The following MYO1H variants were observed in gnomAD, a reference collection of about 807,000 sequenced individuals.
MYO1H encodes myosin IH.
In MYO1H, 118 loss-of-function variants were observed where a neutral mutation model predicts 149.3. That is an observed-to-expected ratio of 0.79 (90% confidence interval 0.68 to 0.92). MYO1H has a LOEUF of 0.92. Ranked by LOEUF, MYO1H falls within the 40% of genes least tolerant of loss-of-function variation. The pLI, the probability that MYO1H is intolerant of heterozygous loss-of-function variation, is 0.00. For synonymous variants in MYO1H, 447 were observed against 465.2 expected (o/e 0.96, Z 0.50); for missense variants, 1,212 against 1,280.7 (o/e 0.95, Z 0.82).
At chr12:109,321,551 C>CA in the MYO1H span, among the ~76,000 whole-genome samples, 211 of 149,726 alleles carry the variant, frequency 1.4e-3, 3 homozygotes, top group African/African-American at 3.8e-3. Flanking sequence ...AGATCCCTCT[C>CA]AAAAAAAAAG....
At chr12:109,402,009 A>C (rs1025767055) in intron 6 of MYO1H, among the ~76,000 whole-genome samples, 3 of 152,136 alleles carry the variant, frequency 2.0e-5, no homozygotes, top group Non-Finnish European at 4.4e-5. Context: ...CAAAGTGCTG[A>C]GTTTACAGGC....
the MYO1H span, among the ~76,000 whole-genome samples, chr12:109,340,142 T>C: frequency 1.3e-5 from 2 of 152,158 alleles, no homozygotes; most frequent in East Asian, 3.8e-4. Context: ...TACGGTGGCA[T>C]ACCTACAGTA....
exon 14 of MYO1H, chr12:109,411,909 C>G (rs183967344): frequency 1.2e-6 from 2 of 1,604,308 alleles, no homozygotes. Flanking sequence ...AGAATGCATT[C>G]GGCCTGGTCC....
In MYO1H at chr12:109,415,511, A is replaced by G. The variant is rs374342129; in HGVS notation, c.1503-15A>G. 5 of 1,591,462 alleles carry G rather than the reference A, an allele frequency of 3.1e-6. No homozygotes were observed. The highest frequency in any genetic ancestry group is 3.4e-6 in the Non-Finnish European group (4 of 1,168,932). ...AGAAAAGAAAGTTCAACTCGTGTCT[A>G]TTTCTGTCTCGTAGCCGTAAGCTGG... On this transcript the variant is annotated splice_polypyrimidine_tract_variant and intron_variant, in intron 14 of 31. Transcript: ENST00000310903.
intron 1 of MYO1H, among the ~76,000 whole-genome samples, chr12:109,355,629 G>A (rs1254390268): frequency 6.6e-6 from 1 of 152,092 alleles, no homozygotes; most frequent in Admixed American, 6.5e-5. Context: ...ATTCCTGCAT[G>A]CTGAGGTTTG....
rs371604943 is a variant in MYO1H, at chr12:109,417,004, T to C, written c.1597+1384T>C. 2.1e-5 allele frequency among the ~76,000 whole-genome samples: 3 copies of C among 146,254 alleles called. No homozygotes were observed. In the East Asian group the frequency reaches 6.0e-4, roughly 29 times the overall value. Reference sequence around the variant, plus strand: ...CCTGGGCAACAAGAGTGAAACTCCATCTCAAAAAAAAAAAAAATTAGCCGG... The same window carrying C: ...CCTGGGCAACAAGAGTGAAACTCCACCTCAAAAAAAAAAAAAATTAGCCGG... On this transcript the variant is annotated intron_variant, in intron 15 of 31. Transcript: ENST00000310903.
intron 26 of MYO1H, 80 bp from the exon 27 acceptor site, chr12:109,442,137 C>G: frequency 8.1e-7 from 1 of 1,228,242 alleles, no homozygotes; most frequent in Non-Finnish European, 1.2e-6. Flanking sequence ...AGATGCATAA[C>G]AAAACTAGCA....
intron 27 of MYO1H, among the ~76,000 whole-genome samples, chr12:109,443,082 G>GTATGTGTGTATATATGTGTATATA (rs1566044828): frequency 4.0e-5 from 2 of 49,668 alleles, no homozygotes; most frequent in African/African-American, 2.5e-4. Context: ...ATATGTGTAC[G>GTATGTGTGTATATATGTGTATATA]TATGTGTGTA....
chr12:109,407,761 A>G, intron 9 of MYO1H, 33 bp from the exon 10 acceptor site: 1 of 1,603,676 alleles, frequency 6.2e-7, no homozygotes, highest in Non-Finnish European at 8.5e-7. Context: ...TCTTTTTTCC[A>G]CCTATAATGA....
chr12:109,432,310 T>A (rs544688645), intron 19 of MYO1H, among the ~76,000 whole-genome samples: 1 of 152,036 alleles, frequency 6.6e-6, no homozygotes, highest in African/African-American at 2.4e-5. Context: ...GGCCTTTTTT[T>A]AAGTAGAGAC....
intron 19 of MYO1H, among the ~76,000 whole-genome samples, chr12:109,428,116 C>G (rs1592813203): frequency 6.7e-6 from 1 of 149,370 alleles, no homozygotes; most frequent in African/African-American, 2.5e-5. Flanking sequence ...AAAAAAAAAA[C>G]TCACAAAAAT....
chr12:109,358,994 C>A (rs12228876), intron 1 of MYO1H, among the ~76,000 whole-genome samples: 69,420 of 151,740 alleles, frequency 0.46, 16,143 homozygotes, highest in Admixed American at 0.54. Flanking sequence ...AGGAGTTGGC[C>A]TGTGGTCCCT....
chr12:109,402,664 A>T (rs954544628), intron 6 of MYO1H, among the ~76,000 whole-genome samples: 4 of 152,230 alleles, frequency 2.6e-5, no homozygotes, highest in African/African-American at 9.6e-5. Flanking sequence ...AAAGAATCTC[A>T]TAATCTAATT....
chr12:109,357,286 G>T (rs1868629634), intron 1 of MYO1H: 1 of 152,212 alleles, frequency 6.6e-6, no homozygotes, highest in South Asian at 2.1e-4. Flanking sequence ...ATAAAAAAAG[G>T]TCTTAATTTA....
intron 1 of MYO1H, among the ~76,000 whole-genome samples, chr12:109,375,022 T>G (rs972828917): frequency 6.6e-6 from 1 of 152,054 alleles, no homozygotes; most frequent in South Asian, 2.1e-4. Context: ...GCCCAGTGAA[T>G]TTTTGTATTT....
chr12:109,428,258 A>C (rs555094398), intron 19 of MYO1H, among the ~76,000 whole-genome samples: 15 of 152,208 alleles, frequency 9.9e-5, no homozygotes, highest in Non-Finnish European at 1.8e-4. Context: ...TAGCAGGAGA[A>C]GCTAAGTCCA....
intron 16 of MYO1H, 113 bp from the exon 17 acceptor site, chr12:109,424,635 C>T: frequency 1.4e-6 from 1 of 700,984 alleles, no homozygotes; most frequent in East Asian, 2.8e-5. Flanking sequence ...CATCTTCAAG[C>T]ATTCAAGAAG....
chr12:109,348,548 G>T (rs978542766), intron 1 of MYO1H, among the ~76,000 whole-genome samples: 1 of 152,098 alleles, frequency 6.6e-6, no homozygotes, highest in Non-Finnish European at 1.5e-5. Flanking sequence ...TTTTAAATGC[G>T]ATAAGCCCAA....
chr12:109,324,574 T>A, the MYO1H span, among the ~76,000 whole-genome samples: 1 of 152,218 alleles, frequency 6.6e-6, no homozygotes, highest in African/African-American at 2.4e-5. Flanking sequence ...GTGTAATTGA[T>A]ATTAGGGTCT....
Sources: allele counts gnomAD v4.1 joint callset (sites outside exome capture counted in the v4.1 genomes callset), GRCh38; gene constraint gnomAD v4.1.1; transcripts MANE v1.5; gene names NCBI Gene and HGNC (gene_info 2026-07-23, HGNC 2026-07-21).